The following DOCK4 variants were observed in gnomAD, a reference collection of about 807,000 sequenced individuals.
DOCK4 encodes the protein dedicator of cytokinesis protein 4.
DOCK4 carries 97 observed loss-of-function variants against 268.1 expected under a neutral mutation model. The ratio of observed to expected loss-of-function variants is 0.36; its 90% CI spans 0.31 to 0.43. DOCK4 has a LOEUF of 0.43. Ranked by LOEUF, DOCK4 falls within the 20% of genes least tolerant of loss-of-function variation. The pLI is 1.00. For missense variants in DOCK4, 2,145 were observed against 2,455.7 expected, an observed-to-expected ratio of 0.87 and a Z score of 2.67; for synonymous variants, 954 against 887.2, an observed-to-expected ratio of 1.08 and a Z score of -1.34.
At chr7:111,796,375 T>C (rs1341064119) in intron 30 of DOCK4, among the ~76,000 whole-genome samples, 7 of 152,258 alleles carry the variant, frequency 4.6e-5, no homozygotes, top group African/African-American at 9.6e-5. Flanking sequence ...TTCTCACTAA[T>C]ACAGGACACA....
intron 1 of DOCK4, among the ~76,000 whole-genome samples, chr7:112,138,030 T>C (rs1814528479): frequency 1.3e-5 from 2 of 152,230 alleles, no homozygotes; most frequent in Admixed American, 1.3e-4. Flanking sequence ...ATTTCTTCTC[T>C]ACAATCATCT....
intron 33 of DOCK4, 31 bp from the exon 34 acceptor site, chr7:111,783,983 A>C (rs1260316603): frequency 1.3e-6 from 2 of 1,576,292 alleles, no homozygotes; most frequent in African/African-American, 2.7e-5. Context: ...GGCATTTTCA[A>C]CATTTATTTT....
At chr7:112,027,396 T>C (rs768122010) in intron 1 of DOCK4, among the ~76,000 whole-genome samples, 4 of 152,172 alleles carry the variant, frequency 2.6e-5, no homozygotes, top group Non-Finnish European at 5.9e-5. Context: ...GGTTAATTTT[T>C]GTATTTTTAG....
At chr7:111,875,717 T>C (rs1806801992) in intron 17 of DOCK4, among the ~76,000 whole-genome samples, 1 of 152,212 alleles carries the variant, frequency 6.6e-6, no homozygotes, top group Non-Finnish European at 1.5e-5. Context: ...CTTCTAAAGC[T>C]AGGAAGGGTA....
chr7:111,942,820 G>A (rs141212845), intron 10 of DOCK4, among the ~76,000 whole-genome samples: 42 of 152,268 alleles, frequency 2.8e-4, no homozygotes, highest in Middle Eastern at 3.4e-3. Flanking sequence ...GGCTACCTGC[G>A]TCAGGAATAA....
intron 16 of DOCK4, among the ~76,000 whole-genome samples, chr7:111,890,861 A>C (rs1808230609): frequency 1.3e-5 from 2 of 152,366 alleles, no homozygotes; most frequent in African/African-American, 4.8e-5. Flanking sequence ...AAGAGCAAGT[A>C]GGTTTTAACC....
At chr7:111,811,058 T>C (rs995875698) in intron 28 of DOCK4, among the ~76,000 whole-genome samples, 1 of 151,802 alleles carries the variant, frequency 6.6e-6, no homozygotes, top group Non-Finnish European at 1.5e-5. Context: ...AAGAAATAAT[T>C]AGGGATATAT....
At chr7:112,199,824 T>C (rs1002757254) in intron 1 of DOCK4, among the ~76,000 whole-genome samples, 1 of 152,234 alleles carries the variant, frequency 6.6e-6, no homozygotes, top group Non-Finnish European at 1.5e-5. Context: ...GAGTCTAATA[T>C]TGGTCATTAT....
At chr7:111,955,490 C>T (rs1275093836) in intron 8 of DOCK4, among the ~76,000 whole-genome samples, 2 of 152,178 alleles carry the variant, frequency 1.3e-5, no homozygotes, top group African/African-American at 2.4e-5. Context: ...CAACAGGAGA[C>T]ATATTTTTAA....
At chr7:111,769,220 T>C (rs1797958522) in intron 37 of DOCK4, among the ~76,000 whole-genome samples, 1 of 152,218 alleles carries the variant, frequency 6.6e-6, no homozygotes, top group East Asian at 1.9e-4. Flanking sequence ...TCGGTGTTTA[T>C]CAAAGTGTAA....
intron 12 of DOCK4, among the ~76,000 whole-genome samples, chr7:111,933,299 T>TA (rs1491402521): frequency 0.061 from 4,322 of 71,112 alleles, 361 homozygotes; most frequent in African/African-American, 0.095. Flanking sequence ...TATATATATA[T>TA]TTTTTTTTTT....
chr7:112,028,240 G>A (rs949695226), intron 1 of DOCK4, among the ~76,000 whole-genome samples: 5 of 152,126 alleles, frequency 3.3e-5, no homozygotes, highest in African/African-American at 9.7e-5. Flanking sequence ...TCCAACAAAG[G>A]AATATGTTAA....
intron 1 of DOCK4, among the ~76,000 whole-genome samples, chr7:112,061,783 ACG>A (rs1806429194): frequency 6.8e-6 from 1 of 147,492 alleles, no homozygotes; most frequent in South Asian, 2.2e-4. Context: ...ACACACACAC[ACG>A]ATGTACATGG....
intron 50 of DOCK4, 143 bp downstream of exon 50, chr7:111,736,774 C>A: frequency 1.3e-6 from 1 of 755,924 alleles, no homozygotes; most frequent in South Asian, 1.6e-5. Context: ...AACTGTCTTT[C>A]ATTAATCCCT....
intron 1 of DOCK4, among the ~76,000 whole-genome samples, chr7:112,204,066 C>G (rs1821173396): frequency 6.6e-6 from 1 of 152,140 alleles, no homozygotes; most frequent in Non-Finnish European, 1.5e-5. Context: ...ACCCTTCTGC[C>G]TCCCCTACTC....
intron 27 of DOCK4, among the ~76,000 whole-genome samples, chr7:111,818,885 T>G (rs1324281960): frequency 1.3e-5 from 2 of 152,214 alleles, no homozygotes; most frequent in African/African-American, 4.8e-5. Context: ...CTTCACTCCT[T>G]CATGAAAGAC....
At chr7:111,934,704 ATT>A (rs771289183) in intron 12 of DOCK4, among the ~76,000 whole-genome samples, 13 of 118,522 alleles carry the variant, frequency 1.1e-4, no homozygotes, top group Non-Finnish European at 1.1e-4. Context: ...TAATTTTTGT[ATT>A]TTTTTTTTTT....
intron 1 of DOCK4, among the ~76,000 whole-genome samples, chr7:112,016,140 T>C (rs1801789243): frequency 6.6e-6 from 1 of 152,246 alleles, no homozygotes; most frequent in Admixed American, 6.5e-5. Flanking sequence ...ACTAATGTCA[T>C]CTTTGTCCTG....
At chr7:111,995,013 G>C (rs117068628) in intron 4 of DOCK4, among the ~76,000 whole-genome samples, 3,277 of 149,336 alleles carry the variant, frequency 0.022, 100 homozygotes, top group East Asian at 0.12. Context: ...GAGGAGATGG[G>C]GGAAATAAAA....
Sources: allele counts gnomAD v4.1 joint callset (sites outside exome capture counted in the v4.1 genomes callset), GRCh38; gene constraint gnomAD v4.1.1; transcripts MANE v1.5; gene names NCBI Gene and HGNC (gene_info 2026-07-23, HGNC 2026-07-21).